Variants in UBE2K observed in about 807,000 individuals in gnomAD.
The protein encoded by UBE2K is ubiquitin conjugating enzyme E2 K.
Under a neutral mutation model 30.0 loss-of-function variants are expected in UBE2K, and 6 were observed. That is an observed-to-expected ratio of 0.20 (90% CI 0.11 to 0.39). UBE2K has a LOEUF of 0.39. Among genes scored for constraint, UBE2K ranks in the 10% least tolerant of loss-of-function variants. UBE2K has a pLI of 1.00. For synonymous variants in UBE2K, 86 were observed against 83.7 expected (o/e 1.03, Z -0.15); for missense variants, 61 against 241.6 (o/e 0.25, Z 4.96).
intron 1 of UBE2K, among the ~76,000 whole-genome samples, chr4:39,718,618 G>A (rs1719242228): frequency 6.6e-6 from 1 of 152,244 alleles, no homozygotes. Flanking sequence ...CTCAGGCATG[G>A]CGGGCTGCAG....
At chr4:39,753,356 A>AG in intron 3 of UBE2K, among the ~76,000 whole-genome samples, 1 of 117,520 alleles carries the variant, frequency 8.5e-6, no homozygotes, top group East Asian at 3.1e-4. Context: ...TCTGGGGGGG[A>AG]AAAAAGGGAG....
intron 3 of UBE2K, among the ~76,000 whole-genome samples, chr4:39,751,685 A>T (rs1721263341): frequency 6.6e-6 from 1 of 152,032 alleles, no homozygotes; most frequent in Non-Finnish European, 1.5e-5. Flanking sequence ...AAAAATAAAT[A>T]AAAAAGGCCA....
intron 1 of UBE2K, among the ~76,000 whole-genome samples, chr4:39,717,247 T>G (rs1467001682): frequency 6.6e-6 from 1 of 151,712 alleles, no homozygotes; most frequent in South Asian, 2.1e-4. Context: ...TCTTTTTTTT[T>G]TTTTAAGATG....
At chr4:39,771,021 A>T (rs1712775372) in intron 4 of UBE2K, 1 of 1,611,848 alleles carries the variant, frequency 6.2e-7, no homozygotes, top group Non-Finnish European at 8.5e-7. Context: ...GGCTAGCCTC[A>T]CGGACCCCAT....
At chr4:39,752,321 T>C (rs1721302108) in intron 3 of UBE2K, among the ~76,000 whole-genome samples, 1 of 120,860 alleles carries the variant, frequency 8.3e-6, no homozygotes, top group Admixed American at 9.6e-5. Flanking sequence ...ATTTTTTTTT[T>C]TTTCTTTTTT....
chr4:39,769,208 TTTTTG>T (rs1314729716), intron 4 of UBE2K, among the ~76,000 whole-genome samples: 2 of 64,196 alleles, frequency 3.1e-5, no homozygotes, highest in African/African-American at 1.7e-4. Flanking sequence ...CTGGAGTTTC[TTTTTG>T]TTTTTTTTTT....
At chr4:39,728,827 G>GTTTTTTTTTTTTTTTTTTTT (rs372834149) in intron 1 of UBE2K, among the ~76,000 whole-genome samples, 1 of 128,662 alleles carries the variant, frequency 7.8e-6, no homozygotes, top group African/African-American at 2.8e-5. Flanking sequence ...TGTTTTTTTT[G>GTTTTTTTTTTTTTTTTTTTT]TTTTTTTTTT....
intron 1 of UBE2K, among the ~76,000 whole-genome samples, chr4:39,734,429 C>T (rs114638506): frequency 0.048 from 7,241 of 152,046 alleles, 264 homozygotes; most frequent in Middle Eastern, 0.099. Context: ...TTTTCTTGAG[C>T]TTATTTAGTA....
At chr4:39,723,220 T>C (rs1444916304) in intron 1 of UBE2K, among the ~76,000 whole-genome samples, 1 of 151,510 alleles carries the variant, frequency 6.6e-6, no homozygotes, top group Non-Finnish European at 1.5e-5. Context: ...ATTTTTTTTT[T>C]TTTTAAGTAG....
intron 2 of UBE2K, among the ~76,000 whole-genome samples, chr4:39,742,917 G>A (rs1239919228): frequency 6.6e-6 from 1 of 152,012 alleles, no homozygotes; most frequent in African/African-American, 2.4e-5. Context: ...ATTGTGGTGG[G>A]CACCTGTAAA....
chr4:39,770,846 C>T (rs1260767042), intron 4 of UBE2K: 1 of 1,540,744 alleles, frequency 6.5e-7, no homozygotes. Context: ...CATCCTCATC[C>T]TCTTCCTCGG....
At chr4:39,728,949 G>A (rs1454587727) in intron 1 of UBE2K, among the ~76,000 whole-genome samples, 2 of 150,284 alleles carry the variant, frequency 1.3e-5, no homozygotes, top group Non-Finnish European at 3.0e-5. Context: ...TTACAGGCGT[G>A]AGCCACCGCG....
chr4:39,746,276 A>G (rs1720984757), intron 3 of UBE2K, among the ~76,000 whole-genome samples: 1 of 152,198 alleles, frequency 6.6e-6, no homozygotes, highest in South Asian at 2.1e-4. Flanking sequence ...TAGTGGGGAA[A>G]AAAAACTGAG....
At chr4:39,759,259 T>C (rs949811751) in intron 4 of UBE2K, among the ~76,000 whole-genome samples, 1 of 152,136 alleles carries the variant, frequency 6.6e-6, no homozygotes, top group African/African-American at 2.4e-5. Flanking sequence ...ATTTAACTTA[T>C]TTTAGTATAT....
intron 3 of UBE2K, among the ~76,000 whole-genome samples, chr4:39,753,929 T>C (rs1721398630): frequency 6.6e-6 from 1 of 152,158 alleles, no homozygotes. Context: ...GAGACCAGCC[T>C]GGCCAACATG....
intron 1 of UBE2K, among the ~76,000 whole-genome samples, chr4:39,702,175 G>T (rs116252555): frequency 0.011 from 1,624 of 145,268 alleles, 37 homozygotes; most frequent in African/African-American, 0.038. Context: ...GCACCTGTTG[G>T]TTTTTCATGT....
At chr4:39,762,311 C>T (rs1252041392) in intron 4 of UBE2K, among the ~76,000 whole-genome samples, 2 of 152,070 alleles carry the variant, frequency 1.3e-5, no homozygotes, top group African/African-American at 4.8e-5. Context: ...ATCCTTCCAC[C>T]TTGGCCTCCT....
intron 4 of UBE2K, among the ~76,000 whole-genome samples, chr4:39,768,880 T>TG (rs1234695796): frequency 6.6e-6 from 1 of 152,158 alleles, no homozygotes; most frequent in Non-Finnish European, 1.5e-5. Flanking sequence ...CTATTTTTGA[T>TG]GGAGTATCAC....
chr4:39,698,289 G>A lies in UBE2K; in HGVS notation c.-39G>A, dbSNP rs1717804231. 6.3e-7 allele frequency: 1 copy of A among 1,597,016 alleles called. No homozygotes were observed. Among genetic ancestry groups the A allele is most frequent in the Admixed American group, 1.7e-5 (1 of 57,750 alleles). On this transcript the variant is annotated 5_prime_UTR_variant, in exon 1 of 7. Transcript: ENST00000261427. ...CGGCGGTGGCGGTGGTCGTAGCGGTGGCGGAGGAGGCGGGTACGAATCAGC... is the reference window on the plus strand; with the variant it reads ...CGGCGGTGGCGGTGGTCGTAGCGGTAGCGGAGGAGGCGGGTACGAATCAGC...
Sources: allele counts gnomAD v4.1 joint callset (sites outside exome capture counted in the v4.1 genomes callset), GRCh38; gene constraint gnomAD v4.1.1; transcripts MANE v1.5; gene names NCBI Gene and HGNC (gene_info 2026-07-23, HGNC 2026-07-21).